The following SNTG1 variants were observed in gnomAD, a reference collection of about 807,000 sequenced individuals.
SNTG1 encodes syntrophin gamma 1.
A neutral mutation model predicts 74.7 loss-of-function variants in SNTG1; 39 were observed. The ratio of observed to expected loss-of-function variants is 0.52; its 90% CI spans 0.40 to 0.68. The LOEUF (loss-of-function observed/expected upper bound fraction) is 0.68. Among genes scored for constraint, SNTG1 ranks in the 30% least tolerant of loss-of-function variants. The probability of loss-of-function intolerance (pLI) is 0.00; values close to 1 mark genes in which losing one functional copy is unlikely to be tolerated. For missense variants in SNTG1, 685 were observed against 609.5 expected, an observed-to-expected ratio of 1.12 and a Z score of -1.30; for synonymous variants, 254 against 217.1, an observed-to-expected ratio of 1.17 and a Z score of -1.49.
At chr8:49,938,607 C>CTTTTCTTTTCTTTTTTTTCT (rs60669251) in intron 1 of SNTG1, among the ~76,000 whole-genome samples, 14 of 27,894 alleles carry the variant, frequency 5.0e-4, no homozygotes, top group South Asian at 2.0e-3. Flanking sequence ...CTTTTCTTTT[C>CTTTTCTTTTCTTTTTTTTCT]TTTCTTTCTT....
At chr8:50,095,348 G>C (rs2079888356) in intron 1 of SNTG1, among the ~76,000 whole-genome samples, 1 of 152,122 alleles carries the variant, frequency 6.6e-6, no homozygotes, top group Non-Finnish European at 1.5e-5. Context: ...AGTAGTTTAA[G>C]GACTGAAACC....
intron 13 of SNTG1, among the ~76,000 whole-genome samples, chr8:50,650,905 G>C (rs1216398058): frequency 6.6e-6 from 1 of 151,896 alleles, no homozygotes; most frequent in Non-Finnish European, 1.5e-5. Flanking sequence ...TTCACCATGT[G>C]GGCCAGGCTG....
chr8:50,449,941 T>C (rs1321400705), intron 6 of SNTG1, among the ~76,000 whole-genome samples: 1 of 152,194 alleles, frequency 6.6e-6, no homozygotes, highest in African/African-American at 2.4e-5. Context: ...GGCTGAAAGA[T>C]AGGAACCCTT....
chr8:50,241,104 T>C (rs2086144709), intron 2 of SNTG1, among the ~76,000 whole-genome samples: 1 of 152,200 alleles, frequency 6.6e-6, no homozygotes, highest in Admixed American at 6.5e-5. Flanking sequence ...TTCCTCTCAG[T>C]CTGGGTTAAG....
At chr8:49,987,753 A>G (rs1226798067) in intron 1 of SNTG1, among the ~76,000 whole-genome samples, 1 of 144,992 alleles carries the variant, frequency 6.9e-6, no homozygotes, top group African/African-American at 2.6e-5. Context: ...GGTTCAAGCC[A>G]TTCTCCTGCC....
At chr8:50,530,107 A>T in intron 9 of SNTG1, 70 bp from the exon 10 acceptor site, 1 of 1,197,396 alleles carries the variant, frequency 8.4e-7, no homozygotes, top group Non-Finnish European at 1.2e-6. Context: ...TTGAAAGTGT[A>T]ATGGAATGCA....
chr8:50,663,047 T>C (rs575820275), intron 15 of SNTG1, among the ~76,000 whole-genome samples: 114 of 152,194 alleles, frequency 7.5e-4, no homozygotes, highest in Middle Eastern at 3.4e-3. Context: ...AACTGAAACC[T>C]AAGTGACTGT....
intron 1 of SNTG1, among the ~76,000 whole-genome samples, chr8:50,062,947 A>T (rs1312880765): frequency 6.6e-6 from 1 of 152,248 alleles, no homozygotes; most frequent in Non-Finnish European, 1.5e-5. Context: ...TTGATTGACC[A>T]CAGACATATT....
chr8:50,593,567 A>G (rs2094706290), intron 13 of SNTG1, among the ~76,000 whole-genome samples: 1 of 152,124 alleles, frequency 6.6e-6, no homozygotes, highest in South Asian at 2.1e-4. Context: ...AAATTAGTTA[A>G]CCAACTAAAT....
intron 2 of SNTG1, among the ~76,000 whole-genome samples, chr8:50,181,174 G>T (rs990094786): frequency 6.6e-6 from 1 of 152,116 alleles, no homozygotes; most frequent in African/African-American, 2.4e-5. Context: ...CAGCATTGTT[G>T]GTGGTGATTG....
intron 5 of SNTG1, among the ~76,000 whole-genome samples, chr8:50,446,092 G>T (rs1232762672): frequency 6.6e-6 from 1 of 152,088 alleles, no homozygotes; most frequent in East Asian, 1.9e-4. Flanking sequence ...CAGTTTAAAG[G>T]TTCTCATTAT....
chr8:50,391,875 A>G, intron 2 of SNTG1, among the ~76,000 whole-genome samples: 1 of 152,150 alleles, frequency 6.6e-6, no homozygotes, highest in Non-Finnish European at 1.5e-5. Context: ...CCACACTATA[A>G]TAGTTAAAAA....
At chr8:50,524,531 G>A (rs1054579153) in intron 9 of SNTG1, among the ~76,000 whole-genome samples, 16 of 152,092 alleles carry the variant, frequency 1.1e-4, no homozygotes, top group Admixed American at 4.6e-4. Context: ...AATACAACTT[G>A]TTATATTTTA....
At chr8:50,686,237 C>A (rs781725921) in intron 15 of SNTG1, among the ~76,000 whole-genome samples, 1 of 152,088 alleles carries the variant, frequency 6.6e-6, no homozygotes, top group African/African-American at 2.4e-5. Flanking sequence ...TAATTCTTAA[C>A]GAGATAAAAG....
intron 8 of SNTG1, among the ~76,000 whole-genome samples, chr8:50,483,157 G>C (rs2093755037): frequency 6.6e-6 from 1 of 152,066 alleles, no homozygotes; most frequent in South Asian, 2.1e-4. Flanking sequence ...ATTAAATATT[G>C]AACAGTCTCA....
At chr8:50,533,248 A>G (rs552572783) in intron 10 of SNTG1, among the ~76,000 whole-genome samples, 3 of 152,330 alleles carry the variant, frequency 2.0e-5, no homozygotes, top group African/African-American at 7.2e-5. Context: ...CAGACTGAGA[A>G]ACATTCTTCT....
chr8:50,242,964 A>G (rs2086232294), intron 2 of SNTG1, among the ~76,000 whole-genome samples: 1 of 152,184 alleles, frequency 6.6e-6, no homozygotes, highest in Admixed American at 6.5e-5. Flanking sequence ...CTTACAGAGC[A>G]TGTCTGTTGA....
At chr8:50,204,449 T>C (rs902056982) in intron 2 of SNTG1, among the ~76,000 whole-genome samples, 5 of 151,142 alleles carry the variant, frequency 3.3e-5, no homozygotes, top group Non-Finnish European at 5.9e-5. Context: ...TTGTCTGGAC[T>C]AGATATCTTC....
chr8:50,288,808 CT>C (rs2088928527), intron 2 of SNTG1, among the ~76,000 whole-genome samples: 1 of 152,072 alleles, frequency 6.6e-6, no homozygotes, highest in Admixed American at 6.6e-5. Context: ...AAGCTTTATT[CT>C]TACTCCACCT....
Sources: allele counts gnomAD v4.1 joint callset (sites outside exome capture counted in the v4.1 genomes callset), GRCh38; gene constraint gnomAD v4.1.1; transcripts MANE v1.5; gene names NCBI Gene and HGNC (gene_info 2026-07-23, HGNC 2026-07-21).